Variants in NREP observed in about 807,000 individuals in gnomAD.
NREP encodes neuronal regeneration related protein.
A neutral mutation model predicts 8.6 loss-of-function variants in NREP; 5 were observed. The observed-to-expected ratio is 0.58, with a 90% confidence interval of 0.30 to 1.22. The LOEUF (loss-of-function observed/expected upper bound fraction) is 1.22. NREP is among the 50% of genes most tolerant of loss of function. The probability of loss-of-function intolerance (pLI) is 0.07; values close to 1 mark genes in which losing one functional copy is unlikely to be tolerated. For synonymous variants in NREP, 27 were observed against 28.0 expected, an observed-to-expected ratio of 0.96 and a Z score of 0.11; for missense variants, 86 against 82.5, an observed-to-expected ratio of 1.04 and a Z score of -0.17.
At chr5:111,816,512 A>G (rs1752388849) in intron 2 of NREP, among the ~76,000 whole-genome samples, 1 of 152,126 alleles carries the variant, frequency 6.6e-6, no homozygotes, top group Non-Finnish European at 1.5e-5. Flanking sequence ...TCTGAGAAGT[A>G]CTAAAATTAC....
In NREP at chr5:111,792,881, C is replaced by T. The variant is rs150459998; in HGVS notation, c.136-57374G>A. Among the ~76,000 whole-genome samples the T allele has an allele frequency of 6.3e-3, 961 of 152,276 alleles. 4 individuals carry two copies. Among genetic ancestry groups the T allele is most frequent in the South Asian group, 0.013 (63 of 4,824 alleles). On this transcript the variant is annotated intron_variant, in intron 2 of 3. Coordinates refer to the NREP transcript ENST00000395634. ...TTGGTTAAATTGGCACATATTAAAG[C>T]CACATCAGGATGGGAAAATTTTTTT...
chr5:111,741,624 GAGA>G (rs929765444), intron 2 of NREP, among the ~76,000 whole-genome samples: 12 of 152,128 alleles, frequency 7.9e-5, no homozygotes, highest in African/African-American at 2.7e-4. Context: ...ATGCTGCTTG[GAGA>G]AGAAGCACAC....
chr5:111,810,929 T>C (rs1444132171), intron 2 of NREP, among the ~76,000 whole-genome samples: 1 of 152,222 alleles, frequency 6.6e-6, no homozygotes, highest in Non-Finnish European at 1.5e-5. Flanking sequence ...TCAAAATTAC[T>C]TGGCTTATCT....
intron 2 of NREP, among the ~76,000 whole-genome samples, chr5:111,935,676 C>A (rs1290196655): frequency 6.6e-6 from 1 of 152,080 alleles, no homozygotes; most frequent in Admixed American, 6.6e-5. Flanking sequence ...ATCCCTGCAA[C>A]AATCACATTA....
intron 2 of NREP, among the ~76,000 whole-genome samples, chr5:111,796,400 C>T (rs961036100): frequency 1.3e-5 from 2 of 152,150 alleles, no homozygotes; most frequent in East Asian, 1.9e-4. Flanking sequence ...AGATAACATA[C>T]TCACAGGTTC....
chr5:111,938,058 C>T (rs1469500749), intron 2 of NREP, among the ~76,000 whole-genome samples: 1 of 152,004 alleles, frequency 6.6e-6, no homozygotes, highest in Non-Finnish European at 1.5e-5. Flanking sequence ...CTCAGCTTTC[C>T]CTCAGGGTTT....
chr5:111,781,156 C>T (rs575784345), intron 2 of NREP, among the ~76,000 whole-genome samples: 21 of 152,136 alleles, frequency 1.4e-4, no homozygotes, highest in Non-Finnish European at 2.8e-4. Flanking sequence ...CCACCCTCCA[C>T]TTCTGATAGG....
At chr5:111,789,878 T>C (rs1751699945) in intron 2 of NREP, among the ~76,000 whole-genome samples, 1 of 152,148 alleles carries the variant, frequency 6.6e-6, no homozygotes, top group Admixed American at 6.5e-5. Context: ...AGAGCTTCCT[T>C]GTAATGACAT....
At chr5:111,758,211 C>A, upstream of NREP, 8 of 985,566 alleles carry the variant, frequency 8.1e-6, no homozygotes, top group Non-Finnish European at 9.6e-6. Context: ...GGTCCTGTGG[C>A]TGCGCGTGCA....
chr5:111,743,219 A>G (rs1423707865), intron 2 of NREP, among the ~76,000 whole-genome samples: 1 of 152,096 alleles, frequency 6.6e-6, no homozygotes, highest in Non-Finnish European at 1.5e-5. Flanking sequence ...GTGAACAATA[A>G]TAAAGCAAAG....
At chr5:111,898,350 C>T (rs542117208) in intron 2 of NREP, among the ~76,000 whole-genome samples, 4 of 151,952 alleles carry the variant, frequency 2.6e-5, no homozygotes, top group African/African-American at 4.8e-5. Flanking sequence ...GAGATAGAGA[C>T]GAGATTTTCT....
At chr5:111,844,843 C>T (rs1753120187) in intron 2 of NREP, among the ~76,000 whole-genome samples, 1 of 151,072 alleles carries the variant, frequency 6.6e-6, no homozygotes, top group African/African-American at 2.4e-5. Context: ...TTGTTATATG[C>T]AAATTGTGTG....
chr5:111,739,108 G>A (rs1211956396), intron 2 of NREP: 1 of 152,182 alleles, frequency 6.6e-6, no homozygotes, highest in African/African-American at 2.4e-5. Flanking sequence ...AACACAGTGT[G>A]CTTTTTAAGG....
At chr5:111,919,733 A>C (rs1179748624) in intron 2 of NREP, among the ~76,000 whole-genome samples, 1 of 152,012 alleles carries the variant, frequency 6.6e-6, no homozygotes, top group African/African-American at 2.4e-5. Context: ...GGGTTGAGGG[A>C]CTAGGAGAGG....
intron 2 of NREP, among the ~76,000 whole-genome samples, chr5:111,934,250 A>T (rs1755622708): frequency 6.6e-6 from 1 of 152,012 alleles, no homozygotes; most frequent in Non-Finnish European, 1.5e-5. Context: ...TTGGGTTATA[A>T]ATTGACTGTT....
intron 2 of NREP, among the ~76,000 whole-genome samples, chr5:111,952,222 CT>C (rs1466844817): frequency 6.6e-6 from 1 of 152,116 alleles, no homozygotes; most frequent in East Asian, 1.9e-4. Context: ...GACACCTGGT[CT>C]CCACATTGCA....
chr5:111,810,579 T>G (rs1316962413), intron 2 of NREP, among the ~76,000 whole-genome samples: 2 of 152,232 alleles, frequency 1.3e-5, no homozygotes, highest in Non-Finnish European at 2.9e-5. Context: ...TTTGCCTTCA[T>G]AAAGCAGTAA....
chr5:111,903,948 C>T (rs919699787), intron 2 of NREP, among the ~76,000 whole-genome samples: 1 of 152,082 alleles, frequency 6.6e-6, no homozygotes, highest in Admixed American at 6.6e-5. Flanking sequence ...TTTCGGTAAC[C>T]TCAATTTAGT....
chr5:111,810,096 A>C (rs546883035), intron 2 of NREP, among the ~76,000 whole-genome samples: 5 of 152,124 alleles, frequency 3.3e-5, no homozygotes, highest in Non-Finnish European at 5.9e-5. Flanking sequence ...AGAGAGATAT[A>C]GCTAGACCGA....
Sources: allele counts gnomAD v4.1 joint callset (sites outside exome capture counted in the v4.1 genomes callset), GRCh38; gene constraint gnomAD v4.1.1; transcripts MANE v1.5; gene names NCBI Gene and HGNC (gene_info 2026-07-23, HGNC 2026-07-21).